MCM3AP: variants seen among roughly 807,000 people sequenced by gnomAD.
MCM3AP encodes germinal-center associated nuclear protein.
In MCM3AP, 126 loss-of-function variants were observed where a neutral mutation model predicts 184.1. The observed-to-expected ratio is 0.68, with a 90% CI of 0.59 to 0.79. The LOEUF is 0.79. MCM3AP is among the 30% of genes least tolerant of loss of function. MCM3AP has a pLI of 0.00. For missense variants in MCM3AP, 2,496 were observed against 2,479.2 expected (o/e 1.01, Z -0.14); for synonymous variants, 1,002 against 979.3 (o/e 1.02, Z -0.43).
intron 26 of MCM3AP, among the ~76,000 whole-genome samples, chr21:46,237,903 C>G (rs1748340063): frequency 8.7e-6 from 1 of 115,514 alleles, no homozygotes; most frequent in South Asian, 2.8e-4. Context: ...AGTTCAAGAT[C>G]AGCCTGATCA....
chr21:46,251,879 TTC>T (rs1278715604), intron 19 of MCM3AP, 197 bp from the exon 20 acceptor site: 13 of 349,340 alleles, frequency 3.7e-5, no homozygotes, highest in Non-Finnish European at 5.7e-5. Context: ...TCTGTACTCG[TTC>T]TTTTTTTTTT....
Position 46,265,442 on chromosome 21 carries a change from G to A in MCM3AP, c.3113C>T (p.Pro1038Leu), listed in dbSNP as rs146480548. Reference sequence around the variant, plus strand: ...GACAGGAGGCAGAGGCACTGGTGAGGGCGCAGGGGCTGGTAGAGACTGTGG... The same window carrying A: ...GACAGGAGGCAGAGGCACTGGTGAGAGCGCAGGGGCTGGTAGAGACTGTGG... ...SLPQSLPAPA[P>L]SPVPLPPVLA... Residue 1038 changes from proline to leucine, a missense_variant, in exon 12 of 28, where the codon CCC becomes CTC. Coordinates refer to ENST00000291688, the MANE Select transcript of MCM3AP (RefSeq NM_003906.5). 4.3e-6 allele frequency: 7 copies of A among 1,613,944 alleles called. No individual in the cohort carries two copies. Among genetic ancestry groups the A allele is most frequent in the Admixed American group, 1.7e-5 (1 of 59,996 alleles).
At chr21:46,266,654 G>A (rs146981789) in intron 10 of MCM3AP, 47 of 322,688 alleles carry the variant, frequency 1.5e-4, no homozygotes, top group African/African-American at 9.4e-4. Flanking sequence ...CATCCCAGCC[G>A]TCAGAGGTTG....
In MCM3AP at chr21:46,244,959, C is replaced by T; in HGVS notation, c.4886G>A (p.Cys1629Tyr). 1 of 1,614,216 alleles carries T rather than the reference C, an allele frequency of 6.2e-7. No homozygotes were observed. Among genetic ancestry groups the T allele is most frequent in the South Asian group, 1.1e-5 (1 of 91,084 alleles). ...LASVVSSEQL[C>Y]DLSWPVTEFA... ...CTCAGTGACAGGCCAGGACAGGTCA[C>T]ACAGCTGTTCAGAGGACACCACAGA... Residue 1629 changes from cysteine to tyrosine, a missense_variant, in exon 23 of 28, where the codon TGT becomes TAT. This residue lies in a region of MCM3AP where 1,323 missense variants were observed against 1,273.4 expected (regional missense o/e 1.04). Transcript: ENST00000291688.
In MCM3AP at chr21:46,267,156, C is replaced by T; in HGVS notation, c.2629-14G>A. The T allele has an allele frequency of 1.9e-6, 3 of 1,611,376 alleles. No individual in the cohort carries two copies. The highest frequency in any genetic ancestry group is 1.7e-6 in the Non-Finnish European group (2 of 1,178,896). ...ATCCTTGCGGATCTGAGAGGAGGAG[C>T]GAAATCACTGCAGTCTCAGACGAAG... On this transcript the variant is annotated splice_polypyrimidine_tract_variant and intron_variant, in intron 9 of 27. Transcript: ENST00000291688.
At chr21:46,280,193 G>A (rs2081314316) in intron 3 of MCM3AP, 56 bp from the exon 4 acceptor site, 5 of 1,553,692 alleles carry the variant, frequency 3.2e-6, no homozygotes, top group Middle Eastern at 1.7e-4. Flanking sequence ...CCTGGAACTG[G>A]ATTTTTTCAC....
intron 27 of MCM3AP, 71 bp downstream of exon 27, chr21:46,236,758 T>A (rs1248628914): frequency 9.6e-7 from 1 of 1,044,968 alleles, no homozygotes; most frequent in African/African-American, 1.7e-5. Flanking sequence ...ATCGTGATAT[T>A]ACTTTTTTCC....
chr21:46,278,774 C>A (rs1269678560), intron 4 of MCM3AP, among the ~76,000 whole-genome samples: 5 of 151,744 alleles, frequency 3.3e-5, no homozygotes, highest in African/African-American at 9.7e-5. Flanking sequence ...CCCGGGTTCA[C>A]GCAGTTCTCC....
Position 46,284,181 on chromosome 21 carries a change from G to T in MCM3AP, c.1106C>A (p.Ser369Tyr). The T allele has an allele frequency of 3.1e-6, 5 of 1,614,210 alleles. No individual in the cohort carries two copies. The highest frequency in any genetic ancestry group is 4.2e-6 in the Non-Finnish European group (5 of 1,180,036). ...EAKKETGFVE[S>Y]AESDHMAIPG... ...GATAGCCATGTGGTCACTTTCTGCAGACTCAACAAAGCCAGTTTCCTTTTT... is the reference window on the plus strand; with the variant it reads ...GATAGCCATGTGGTCACTTTCTGCATACTCAACAAAGCCAGTTTCCTTTTT... The change falls in exon 1 of 28, where the codon TCT becomes TAT. Residue 369 changes from serine to tyrosine, a missense_variant. Physicochemically the swap from Ser to Tyr is moderately radical, Grantham distance 144. Coordinates refer to ENST00000291688, the MANE Select transcript of MCM3AP (RefSeq NM_003906.5).
chr21:46,266,284 A>C, intron 10 of MCM3AP, 118 bp from the exon 11 acceptor site: 5 of 1,120,360 alleles, frequency 4.5e-6, no homozygotes, highest in South Asian at 2.0e-5. Flanking sequence ...TGTGTAAATA[A>C]CAGAAAGCAC....
intron 9 of MCM3AP, among the ~76,000 whole-genome samples, chr21:46,269,820 G>C (rs2839185): frequency 2.0e-5 from 3 of 152,178 alleles, no homozygotes; most frequent in Non-Finnish European, 2.9e-5. Flanking sequence ...GCCTAGAACA[G>C]CAGGTGCTAC....
rs1189557914 is a variant in MCM3AP at position 46,237,862 on chromosome 21, G to A, written c.5634-883C>T. ...TGCCTGTAATCCCAACACTTTGGGAGGCCGAGGCGGGCAGATCACCTGAGG... is the reference window on the plus strand; with the variant it reads ...TGCCTGTAATCCCAACACTTTGGGAAGCCGAGGCGGGCAGATCACCTGAGG... On this transcript the variant is annotated intron_variant, in intron 26 of 27. Coordinates refer to ENST00000291688, the MANE Select transcript of MCM3AP (RefSeq NM_003906.5). Among the ~76,000 whole-genome samples the A allele has an allele frequency of 1.2e-4, 14 of 116,710 alleles. 6 individuals are homozygous for A. Among genetic ancestry groups the A allele is most frequent in the Non-Finnish European group, 2.0e-4 (11 of 55,598 alleles). 76.6% of individuals were successfully genotyped at this position (116,710 alleles called of 152,430 possible). A position where few individuals can be genotyped will look rare whatever the true frequency, so the allele number is the denominator to read the frequency against.
Position 46,245,071 on chromosome 21 carries a change from T to G in MCM3AP, c.4774A>C (p.Arg1592=), listed in dbSNP as rs764036301. The change falls in exon 23 of 28, where the codon AGA becomes CGA. Residue 1592 remains arginine (R), a synonymous_variant. Coordinates refer to ENST00000291688, the MANE Select transcript of MCM3AP (RefSeq NM_003906.5). The part of the protein sequence containing the change: ...HEFSGRFFHD[R]RERRLGGLAS... ...AGACCGCCCAGACGCCTCTCTCTTC[T>G]GTCATGGAAAAAGCGGCCACTAAAC... 2.5e-6 allele frequency: 4 copies of G among 1,614,222 alleles called. No homozygotes were observed. Among genetic ancestry groups the G allele is most frequent in the Non-Finnish European group, 3.4e-6 (4 of 1,180,036 alleles).
intron 15 of MCM3AP, chr21:46,259,308 T>G: frequency 2.8e-6 from 1 of 355,900 alleles, no homozygotes; most frequent in Admixed American, 4.8e-5. Flanking sequence ...ACAAAAAAAT[T>G]AGCCTGGTGT....
intron 20 of MCM3AP, chr21:46,250,151 C>CA (rs2080845961): frequency 6.9e-6 from 1 of 145,202 alleles, no homozygotes; most frequent in Non-Finnish European, 1.5e-5. Flanking sequence ...GACAATAAGG[C>CA]AACTCTATTT....
At chr21:46,271,554 G>T (rs2081180136) in intron 8 of MCM3AP, among the ~76,000 whole-genome samples, 1 of 151,670 alleles carries the variant, frequency 6.6e-6, no homozygotes, top group Non-Finnish European at 1.5e-5. Flanking sequence ...GGCTATACAA[G>T]GCTTAATTTT....
chr21:46,280,072 T>C lies in MCM3AP; in HGVS notation c.1588A>G (p.Thr530Ala), dbSNP rs767354887. 6.2e-7 allele frequency: 1 copy of C among 1,614,174 alleles called. No homozygotes were observed. Among genetic ancestry groups the C allele is most frequent in the Non-Finnish European group, 8.5e-7 (1 of 1,179,968 alleles). Residue 530 changes from threonine to alanine, a missense_variant, in exon 4 of 28, where the codon ACA (threonine) becomes GCA (alanine). Transcript: ENST00000291688. ...KPGDGEVSPS[T>A]EDAPFQHSPL... Reference sequence around the variant, plus strand: ...GAGTGCTGAAAGGGTGCATCCTCTGTGCTCGGGCTGACTTCACCGTCACCT... The same window carrying C: ...GAGTGCTGAAAGGGTGCATCCTCTGCGCTCGGGCTGACTTCACCGTCACCT...
chr21:46,261,903 T>C (rs76237064), intron 13 of MCM3AP, among the ~76,000 whole-genome samples: 2 of 152,178 alleles, frequency 1.3e-5, no homozygotes, highest in South Asian at 2.1e-4. Flanking sequence ...GAAATGCTCA[T>C]TGGAGCATTT....
upstream of MCM3AP, chr21:46,286,244 C>T (rs111369409): frequency 1.3e-5 from 2 of 152,410 alleles, no homozygotes; most frequent in African/African-American, 2.4e-5. Context: ...ACACTCAGCG[C>T]TGCGCACCGC....
Sources: gnomAD v4.1 joint callset for allele counts (sites outside exome capture counted in the v4.1 genomes callset) on GRCh38, gnomAD v4.1.1 for gene constraint, gnomAD v4.1.1 regional missense constraint, MANE v1.5 for transcripts, NCBI Gene and HGNC (gene_info 2026-07-23, HGNC 2026-07-21) for gene names.